Variants in CAAP1 observed in about 807,000 individuals in gnomAD.
CAAP1 encodes conserved anti-apoptotic protein.
A neutral mutation model predicts 34.0 loss-of-function variants in CAAP1; 20 were observed. The ratio of observed to expected loss-of-function variants is 0.59; its 90% CI spans 0.41 to 0.86. The LOEUF is 0.86. Ranked by LOEUF, CAAP1 falls within the 40% of genes least tolerant of loss-of-function variation. CAAP1 has a pLI of 0.00. For synonymous variants in CAAP1, 213 were observed against 166.7 expected (o/e 1.28, Z -2.14); for missense variants, 538 against 450.5 (o/e 1.19, Z -1.76).
chr9:26,883,615 A>T (rs574949615), intron 4 of CAAP1, among the ~76,000 whole-genome samples: 39 of 152,308 alleles, frequency 2.6e-4, no homozygotes, highest in African/African-American at 8.2e-4. Context: ...AAAATAATAG[A>T]TTTTTAAAAA....
At chr9:26,888,458 C>G (rs1162714922) in intron 1 of CAAP1, among the ~76,000 whole-genome samples, 1 of 152,216 alleles carries the variant, frequency 6.6e-6, no homozygotes, top group Non-Finnish European at 1.5e-5. Flanking sequence ...TCAGATACTT[C>G]AGACAATTCA....
At chr9:26,843,830 A>C (rs1822536492) in intron 5 of CAAP1, among the ~76,000 whole-genome samples, 1 of 152,158 alleles carries the variant, frequency 6.6e-6, no homozygotes, top group African/African-American at 2.4e-5. Context: ...ATAATTGAAA[A>C]ACCACCCCCA....
chr9:26,870,273 T>C (rs141426801), intron 4 of CAAP1, among the ~76,000 whole-genome samples: 67 of 152,114 alleles, frequency 4.4e-4, no homozygotes, highest in African/African-American at 1.4e-3. Flanking sequence ...ATACCAAGAT[T>C]TGCTTCAAAG....
intron 1 of CAAP1, among the ~76,000 whole-genome samples, chr9:26,891,151 T>C (rs1823894746): frequency 6.6e-6 from 1 of 152,146 alleles, no homozygotes; most frequent in Non-Finnish European, 1.5e-5. Flanking sequence ...AACCACCTGA[T>C]AAAATCTCTA....
intron 4 of CAAP1, among the ~76,000 whole-genome samples, chr9:26,874,462 GAAC>G (rs1468752516): frequency 6.6e-6 from 1 of 151,962 alleles, no homozygotes; most frequent in Non-Finnish European, 1.5e-5. Flanking sequence ...CTGAACACTA[GAAC>G]TTATTCCTTC....
rs1822496729 is a variant in CAAP1 at position 26,842,176 on chromosome 9, T to C, written c.*125A>G. The C allele has an allele frequency of 2.8e-6, 2 of 704,452 alleles. No homozygotes were observed. The highest frequency in any genetic ancestry group is 3.5e-5 in the Admixed American group (1 of 28,764). 43.6% of individuals were successfully genotyped at this position (704,452 alleles called of 1,614,324 possible). On this transcript the variant is annotated 3_prime_UTR_variant, in exon 6 of 6. Transcript: ENST00000333916. ...GAAACAGCCACAGGTAATTTAGGGC[T>C]AAAATGAGTCCTAATAAGGGTTACA... is the stretch of plus-strand genomic sequence containing the variant.
chr9:26,849,100 AGAAATAGT>A (rs1822683888), intron 5 of CAAP1, among the ~76,000 whole-genome samples: 1 of 152,244 alleles, frequency 6.6e-6, no homozygotes, highest in South Asian at 2.1e-4. Context: ...GGAAAACAAG[AGAAATAGT>A]GAAAGTATAC....
rs1244292731 is a variant in CAAP1 at position 26,864,368 on chromosome 9, G to A, written c.666-3229C>T. Among the ~76,000 whole-genome samples, 5 of 151,906 alleles carry A rather than the reference G, an allele frequency of 3.3e-5. No homozygotes were observed. The East Asian group carries it at 9.6e-4, about 29-fold the overall frequency. On this transcript the variant is annotated intron_variant, in intron 4 of 5. Coordinates refer to ENST00000333916, the MANE Select transcript of CAAP1 (RefSeq NM_024828.4). ...AAATATATTTCTAAATATGGGGGGT[G>A]GGGGTAAATTTCTTGTCCAAATGTA...
chr9:26,892,569 G>A lies in CAAP1; in HGVS notation c.147C>T (p.Cys49=), dbSNP rs1171174413. The A allele has an allele frequency of 1.0e-5, 16 of 1,590,636 alleles. No homozygotes were observed. Among genetic ancestry groups the A allele is most frequent in the Non-Finnish European group, 1.3e-5 (15 of 1,169,344 alleles). Residue 49 remains cysteine, a synonymous_variant, in exon 1 of 6, where the codon TGC becomes TGT. Coordinates refer to ENST00000333916, the MANE Select transcript of CAAP1 (RefSeq NM_024828.4). ...STSGCGSAGG[C]GSVSCCGNAN... is the part of the protein sequence containing the mutation. ...CGTTCCCACAGCAGCTGACGCTCCCGCAGCCCCCGGCGCTCCCGCAGCCGC... is the reference window on the plus strand; with the variant it reads ...CGTTCCCACAGCAGCTGACGCTCCCACAGCCCCCGGCGCTCCCGCAGCCGC...
At chr9:26,877,706 A>T (rs933374792) in intron 4 of CAAP1, among the ~76,000 whole-genome samples, 2 of 151,534 alleles carry the variant, frequency 1.3e-5, no homozygotes, top group Non-Finnish European at 2.9e-5. Context: ...TTCACTTAAT[A>T]AAAAAAAATC....
At chr9:26,883,041 TCA>T (rs570309954) in intron 4 of CAAP1, among the ~76,000 whole-genome samples, 71 of 152,194 alleles carry the variant, frequency 4.7e-4, no homozygotes, top group Non-Finnish European at 9.0e-4. Context: ...TTTTACAGGC[TCA>T]TAGGCGGAAG....
intron 4 of CAAP1, among the ~76,000 whole-genome samples, chr9:26,871,133 G>C (rs1823265428): frequency 6.6e-6 from 1 of 152,112 alleles, no homozygotes. Context: ...GAACACCATT[G>C]ACCCTCTGAA....
At chr9:26,877,956 T>C (rs892552368) in intron 4 of CAAP1, among the ~76,000 whole-genome samples, 15 of 152,084 alleles carry the variant, frequency 9.9e-5, no homozygotes, top group African/African-American at 2.7e-4. Context: ...TGTTTCATTT[T>C]CTCTTTCTAG....
chr9:26,876,684 G>A lies in CAAP1; in HGVS notation c.665+8126C>T, dbSNP rs62544408. The stretch of plus-strand genomic sequence containing the variant: ...GTACAGGTTTGGAGCCTAGGAATAA[G>A]AGGCTATATCATATGGCCTAGGTAT... On this transcript the variant is annotated intron_variant, in intron 4 of 5. Transcript: ENST00000333916. 2.2e-3 allele frequency among the ~76,000 whole-genome samples: 335 copies of A among 152,186 alleles called. 1 individual carries two copies. Among genetic ancestry groups the A allele is most frequent in the Admixed American group, 6.1e-3 (93 of 15,274 alleles).
At chr9:26,860,600 G>A (rs1457538572) in intron 5 of CAAP1, among the ~76,000 whole-genome samples, 2 of 152,068 alleles carry the variant, frequency 1.3e-5, no homozygotes, top group African/African-American at 4.8e-5. Context: ...AGACCATCCT[G>A]GCTAACACGG....
chr9:26,850,081 C>A (rs1822710930), intron 5 of CAAP1, among the ~76,000 whole-genome samples: 1 of 152,102 alleles, frequency 6.6e-6, no homozygotes, highest in African/African-American at 2.4e-5. Context: ...TCGTGATCCG[C>A]CCCCTTGGCC....
At chr9:26,890,711 C>G (rs537447099) in intron 1 of CAAP1, among the ~76,000 whole-genome samples, 4 of 152,006 alleles carry the variant, frequency 2.6e-5, no homozygotes, top group African/African-American at 4.8e-5. Context: ...TTTGGGAGGC[C>G]GAGACGGGTG....
intron 4 of CAAP1, chr9:26,869,907 T>C (rs1231219816): frequency 1.0e-6 from 1 of 972,550 alleles, no homozygotes. Flanking sequence ...AGAGAAAGAG[T>C]AGAAAAAAGG....
intron 5 of CAAP1, among the ~76,000 whole-genome samples, chr9:26,843,593 TG>T (rs1468623466): frequency 6.6e-6 from 1 of 150,960 alleles, no homozygotes; most frequent in East Asian, 1.9e-4. Context: ...CCCATGAATA[TG>T]TTTTTTTTTT....
Sources: gnomAD v4.1 joint callset for allele counts (sites outside exome capture counted in the v4.1 genomes callset) on GRCh38, gnomAD v4.1.1 for gene constraint, MANE v1.5 for transcripts, NCBI Gene and HGNC (gene_info 2026-07-23, HGNC 2026-07-21) for gene names.